Variants in PRC1 observed in about 807,000 individuals in gnomAD.
PRC1 encodes the protein protein regulator of cytokinesis 1, also known as anaphase spindle elongation 1 homolog.
A neutral mutation model predicts 91.2 loss-of-function variants in PRC1; 54 were observed. The observed-to-expected ratio is 0.59, with a 90% CI of 0.48 to 0.74. The LOEUF is 0.74. PRC1 is among the 30% of genes least tolerant of loss of function. The pLI is 0.00. For missense variants in PRC1, 727 were observed against 746.2 expected, an observed-to-expected ratio of 0.97 and a Z score of 0.30; for synonymous variants, 275 against 263.6, an observed-to-expected ratio of 1.04 and a Z score of -0.42.
At chr15:90,972,210 C>A (rs1161929469) in intron 11 of PRC1, among the ~76,000 whole-genome samples, 1 of 134,546 alleles carries the variant, frequency 7.4e-6, no homozygotes, top group Non-Finnish European at 1.6e-5. Context: ...AAAAACACCA[C>A]CAACAAAAAA....
In PRC1 at chr15:90,974,089, C is replaced by T. The variant is rs780938943; in HGVS notation, c.1461+47G>A. ...CTTCAAAGAGGTGGCTGGGACTACC[C>T]TCACCCACTCCCTTGAAATCAGTGT... On this transcript the variant is annotated intron_variant, in intron 11 of 14. Transcript: ENST00000394249. The surrounding 1 kb of genome is among the most constrained non-coding windows in gnomAD (Gnocchi z 4.6). The T allele has an allele frequency of 6.4e-7, 1 of 1,550,454 alleles. No homozygotes were observed. The highest frequency in any genetic ancestry group is 1.7e-5 in the Admixed American group (1 of 59,806).
intron 8 of PRC1, 125 bp from the exon 9 acceptor site, chr15:90,976,896 C>T (rs879233314): frequency 6.3e-5 from 44 of 702,928 alleles, no homozygotes; most frequent in South Asian, 2.3e-4. Flanking sequence ...TTTGGGAGGC[C>T]GAGGCGAGTG....
chr15:90,968,090 T>C, intron 14 of PRC1: 6 of 985,184 alleles, frequency 6.1e-6, no homozygotes, highest in Non-Finnish European at 7.2e-6. Context: ...CCTGGTGGAG[T>C]CTATCAGCCA....
At chr15:90,994,343 G>A (rs910427070) in intron 1 of PRC1, 64 bp downstream of exon 1, 1 of 1,611,088 alleles carries the variant, frequency 6.2e-7, no homozygotes, top group African/African-American at 1.3e-5. Context: ...CCCCTGAACA[G>A]GCCCCGCAGC....
Position 90,981,033 on chromosome 15 carries a change from G to A in PRC1, c.673C>T (p.Leu225=). The change falls in exon 6 of 15, where the codon CTG becomes TTG. Residue 225 remains leucine (L), a splice_region_variant and synonymous_variant. Coordinates refer to ENST00000394249, the MANE Select transcript of PRC1 (RefSeq NM_003981.4). The part of the protein sequence containing the change: ...IATLQKLLRQ[L]EMQKSQNEAV... ...TCATTTTGTGATTTCTGCATTTCCAGCTACAGCATAGAAAGCCAGTGTCAC... is the reference window on the plus strand; with the variant it reads ...TCATTTTGTGATTTCTGCATTTCCAACTACAGCATAGAAAGCCAGTGTCAC... The A allele has an allele frequency of 6.2e-7, 1 of 1,614,060 alleles. No homozygotes were observed. Among genetic ancestry groups the A allele is most frequent in the South Asian group, 1.1e-5 (1 of 91,090 alleles).
chr15:90,970,274 C>A (rs1162533745), intron 12 of PRC1, 130 bp downstream of exon 12: 7 of 705,060 alleles, frequency 9.9e-6, no homozygotes, highest in South Asian at 7.2e-5. Context: ...TAGCTTATAT[C>A]TGTCAACTCT....
intron 8 of PRC1, chr15:90,977,426 A>G (rs918533648): frequency 6.6e-6 from 1 of 152,178 alleles, no homozygotes; most frequent in South Asian, 2.1e-4. Context: ...AATTTAGAAG[A>G]TATTCTAGAA....
intron 1 of PRC1, among the ~76,000 whole-genome samples, chr15:90,991,383 C>A (rs2039972518): frequency 6.6e-6 from 1 of 151,408 alleles, no homozygotes; most frequent in Non-Finnish European, 1.5e-5. Context: ...TGAGATCATG[C>A]CATTGCACTC....
At chr15:90,975,799 C>T (rs777701193) in intron 9 of PRC1, among the ~76,000 whole-genome samples, 53 of 152,098 alleles carry the variant, frequency 3.5e-4, no homozygotes, top group Non-Finnish European at 5.4e-4. Flanking sequence ...GCCTGGTCAA[C>T]ACAGCGAGAC....
intron 7 of PRC1, 103 bp from the exon 8 acceptor site, chr15:90,979,397 T>C (rs909907755): frequency 4.6e-6 from 6 of 1,307,370 alleles, no homozygotes; most frequent in Non-Finnish European, 6.3e-6. Context: ...TCTTTCCTTA[T>C]AGTAAACTGA....
rs1403977743 is a variant in PRC1, at chr15:90,966,668, C to G, written c.*463G>C. 1 of 456,234 alleles carries G rather than the reference C, an allele frequency of 2.2e-6. No individual in the cohort carries two copies. Among genetic ancestry groups the G allele is most frequent in the South Asian group, 1.5e-5 (1 of 64,560 alleles). The allele number at this position is 456,234 out of a possible 1,614,324, so 28.3% of individuals were successfully genotyped here. On this transcript the variant is annotated 3_prime_UTR_variant, in exon 15 of 15. Transcript: ENST00000394249. ...GGAAGGCTGTCCTGTGTGGTGGGGA[C>G]AAGGCTTCAGGTAAGAGCAAAGCTA...
At chr15:90,981,376 T>C in intron 5 of PRC1, 123 bp downstream of exon 5, 4 of 1,157,840 alleles carry the variant, frequency 3.5e-6, no homozygotes, top group Non-Finnish European at 2.4e-6. Context: ...TTACTATCCT[T>C]AGCTTCCCTC....
chr15:90,971,586 CTTT>C (rs34967462), intron 11 of PRC1, among the ~76,000 whole-genome samples: 12 of 144,166 alleles, frequency 8.3e-5, no homozygotes, highest in South Asian at 2.2e-4. Flanking sequence ...CCAGCCAACA[CTTT>C]TTTTTTTTTT....
chr15:90,988,533 C>T (rs1205740883), intron 1 of PRC1: 1 of 152,280 alleles, frequency 6.6e-6, no homozygotes, highest in Non-Finnish European at 1.5e-5. Context: ...GTCTGCTAAT[C>T]TCTCCCACTT....
chr15:90,992,108 C>T (rs78460549), intron 1 of PRC1, among the ~76,000 whole-genome samples: 25 of 152,278 alleles, frequency 1.6e-4, no homozygotes, highest in African/African-American at 5.8e-4. Flanking sequence ...TGCTGCATGG[C>T]TTCACCCTTT....
chr15:90,967,109 C>A lies in PRC1; in HGVS notation c.*22G>T. ...CCAGTCTAGGCACAGGAAGCCACAG[C>A]TGGTTGACTGATCAGGGCTTCTCAG... On this transcript the variant is annotated 3_prime_UTR_variant, in exon 15 of 15. Coordinates refer to ENST00000394249, the MANE Select transcript of PRC1 (RefSeq NM_003981.4). 1 of 1,604,408 alleles carries A rather than the reference C, an allele frequency of 6.2e-7. No homozygotes were observed. Among genetic ancestry groups the A allele is most frequent in the Non-Finnish European group, 8.5e-7 (1 of 1,171,146 alleles).
At chr15:90,991,698 G>C (rs945200845) in intron 1 of PRC1, among the ~76,000 whole-genome samples, 1 of 151,720 alleles carries the variant, frequency 6.6e-6, no homozygotes, top group African/African-American at 2.4e-5. Context: ...ACACAAGACA[G>C]GCAGAATCTC....
At chr15:90,983,818 C>T in intron 3 of PRC1, 200 bp downstream of exon 3, 1 of 550,188 alleles carries the variant, frequency 1.8e-6, no homozygotes, top group Non-Finnish European at 2.9e-6. Context: ...TTAGTTGCTT[C>T]ACCTCTTACC....
chr15:90,973,719 G>A (rs1353213447), intron 11 of PRC1, among the ~76,000 whole-genome samples: 2 of 152,158 alleles, frequency 1.3e-5, no homozygotes, highest in Non-Finnish European at 2.9e-5. Flanking sequence ...ACACTGAGAT[G>A]TTTGGGTGGG....
Sources: allele counts gnomAD v4.1 joint callset (sites outside exome capture counted in the v4.1 genomes callset), GRCh38; gene constraint gnomAD v4.1.1; non-coding constraint Gnocchi (gnomAD v3.1); transcripts MANE v1.5; gene names NCBI Gene and HGNC (gene_info 2026-07-23, HGNC 2026-07-21).